Variants in CLMN observed in about 807,000 individuals in gnomAD.
The protein encoded by CLMN is calmin, also known as calmin (calponin-like, transmembrane).
CLMN carries 57 observed loss-of-function variants against 92.7 expected under a neutral mutation model. That is an observed-to-expected ratio of 0.61 (90% CI 0.50 to 0.77). The LOEUF is 0.77. Among genes scored for constraint, CLMN ranks in the 30% least tolerant of loss-of-function variants. The pLI is 0.00. For missense variants in CLMN, 1,158 were observed against 1,237.5 expected (o/e 0.94, Z 0.96); for synonymous variants, 466 against 470.6 (o/e 0.99, Z 0.13).
At chr14:95,262,620 T>C (rs980097138) in intron 1 of CLMN, among the ~76,000 whole-genome samples, 5 of 152,140 alleles carry the variant, frequency 3.3e-5, no homozygotes, top group South Asian at 4.1e-4. Context: ...GGCTGGAGTA[T>C]AGTGGTGTGA....
At chr14:95,277,293 C>T (rs753380994) in intron 1 of CLMN, among the ~76,000 whole-genome samples, 2 of 152,220 alleles carry the variant, frequency 1.3e-5, no homozygotes, top group African/African-American at 2.4e-5. Context: ...CCCTGTAAGT[C>T]TGCTATTTGA....
At chr14:95,261,161 G>A (rs1280923870) in intron 1 of CLMN, among the ~76,000 whole-genome samples, 3 of 148,264 alleles carry the variant, frequency 2.0e-5, no homozygotes, top group Non-Finnish European at 3.0e-5. Flanking sequence ...TGTTTTAAAC[G>A]GCAAGATCAC....
intron 9 of CLMN, 133 bp from the exon 10 acceptor site, chr14:95,196,827 T>C: frequency 1.3e-6 from 1 of 778,904 alleles, no homozygotes; most frequent in Non-Finnish European, 2.0e-6. Context: ...CTGATCCTCT[T>C]CATGAATCCC....
At chr14:95,205,913 G>A (rs1897033955) in intron 8 of CLMN, among the ~76,000 whole-genome samples, 1 of 152,236 alleles carries the variant, frequency 6.6e-6, no homozygotes, top group South Asian at 2.1e-4. Context: ...ATGGAGCATA[G>A]AACATATCAG....
chr14:95,234,101 G>C (rs781104919), intron 1 of CLMN, among the ~76,000 whole-genome samples: 9 of 152,196 alleles, frequency 5.9e-5, no homozygotes, highest in Non-Finnish European at 1.3e-4. Flanking sequence ...ACGCACCACT[G>C]GCTGGGCGAC....
chr14:95,191,898 G>C lies in CLMN; in HGVS notation c.2841-166C>G. The C allele has an allele frequency of 1.7e-6, 1 of 581,158 alleles. No homozygotes were observed. The highest frequency in any genetic ancestry group is 2.9e-6 in the Non-Finnish European group (1 of 343,048). 36.0% of individuals were successfully genotyped at this position (581,158 alleles called of 1,614,324 possible). On this transcript the variant is annotated intron_variant, in intron 12 of 12. Coordinates refer to ENST00000298912, the MANE Select transcript of CLMN (RefSeq NM_024734.4). This position sits in a 1 kb window ranked among gnomAD's most constrained non-coding sequence, Gnocchi z 5.3. ...CCCCACACTGTGTGTACTGGCCCAA[G>C]GCAGTGCGTCGGGCCATCCAGGCAG...
intron 1 of CLMN, among the ~76,000 whole-genome samples, chr14:95,303,177 T>C (rs1249984791): frequency 6.6e-6 from 1 of 152,202 alleles, no homozygotes; most frequent in Non-Finnish European, 1.5e-5. Context: ...AGTTCTCCCC[T>C]CAGGGAGCCT....
intron 1 of CLMN, among the ~76,000 whole-genome samples, chr14:95,301,980 T>C (rs1166814950): frequency 6.6e-6 from 1 of 152,194 alleles, no homozygotes; most frequent in Non-Finnish European, 1.5e-5. Context: ...CCTCATTCAG[T>C]TGGGCCACCA....
In CLMN at chr14:95,185,318, C is replaced by T. The variant is rs943931671; in HGVS notation, c.*6246G>A. ...GGAGCTCAAGGGGATGCTTGTGTCT[C>T]ATGTTTGGTTCTCCCACGCTGGCTG... On this transcript the variant is annotated 3_prime_UTR_variant, in exon 13 of 13. Transcript: ENST00000298912. 5 of 152,232 alleles carry T rather than the reference C, an allele frequency of 3.3e-5. No homozygotes were observed. The highest frequency in any genetic ancestry group is 1.2e-4 in the African/African-American group (5 of 41,432). 9.4% of individuals were successfully genotyped at this position (152,232 alleles called of 1,614,324 possible). A position where few individuals can be genotyped will look rare whatever the true frequency, so the allele number is the denominator to read the frequency against.
chr14:95,226,584 CTTTTT>C (rs988443361), intron 2 of CLMN, among the ~76,000 whole-genome samples: 14 of 148,944 alleles, frequency 9.4e-5, no homozygotes, highest in African/African-American at 2.9e-4. Context: ...TCTTCTTCTT[CTTTTT>C]TTTTTGAGAT....
intron 1 of CLMN, among the ~76,000 whole-genome samples, chr14:95,297,811 G>GCACACACACACACA (rs3219870): frequency 2.0e-4 from 29 of 145,122 alleles, no homozygotes; most frequent in African/African-American, 3.9e-4. Flanking sequence ...AATATGGCAG[G>GCACACACACACACA]CACACACACA....
At chr14:95,307,056 A>C (rs1302116821) in intron 1 of CLMN, among the ~76,000 whole-genome samples, 1 of 152,200 alleles carries the variant, frequency 6.6e-6, no homozygotes, top group African/African-American at 2.4e-5. Flanking sequence ...CTTAAAGAAA[A>C]GGCAAGGGAA....
At chr14:95,242,255 T>A (rs927497983) in intron 1 of CLMN, among the ~76,000 whole-genome samples, 1 of 129,618 alleles carries the variant, frequency 7.7e-6, no homozygotes, top group African/African-American at 3.0e-5. Flanking sequence ...TTTTTCTTTT[T>A]TTTTTTTTTT....
chr14:95,300,212 C>G (rs1225327431), intron 1 of CLMN, among the ~76,000 whole-genome samples: 1 of 152,180 alleles, frequency 6.6e-6, no homozygotes, highest in African/African-American at 2.4e-5. Context: ...CATCCTGCCC[C>G]CAAAGGGCTC....
Position 95,259,436 on chromosome 14 carries a change from C to A in CLMN, c.83-29303G>T, listed in dbSNP as rs1051180229. Reference sequence around the variant, plus strand: ...CAAACCTCCGGGTTACCAGAATGTGCACTTTATGAGGACACGGAGGAAACC... The same window carrying A: ...CAAACCTCCGGGTTACCAGAATGTGAACTTTATGAGGACACGGAGGAAACC... On this transcript the variant is annotated intron_variant, in intron 1 of 12. Coordinates refer to ENST00000298912, the MANE Select transcript of CLMN (RefSeq NM_024734.4). This position sits in a 1 kb window ranked among gnomAD's most constrained non-coding sequence, Gnocchi z 4.3. Among the ~76,000 whole-genome samples, 1 of 152,126 alleles carries A rather than the reference C, an allele frequency of 6.6e-6. No individual in the cohort carries two copies. The highest frequency in any genetic ancestry group is 2.4e-5 in the African/African-American group (1 of 41,398).
chr14:95,211,546 A>G (rs924167166), intron 6 of CLMN, among the ~76,000 whole-genome samples: 6 of 152,190 alleles, frequency 3.9e-5, no homozygotes, highest in African/African-American at 9.7e-5. Flanking sequence ...TTTAAAAGTA[A>G]AAGTGAAGGA....
At chr14:95,286,803 C>T (rs79967777) in intron 1 of CLMN, among the ~76,000 whole-genome samples, 2,766 of 152,230 alleles carry the variant, frequency 0.018, 38 homozygotes, top group East Asian at 0.057. Flanking sequence ...AGAGAGAGCA[C>T]GTGTCTCACG....
Position 95,191,680 on chromosome 14 carries a change from T to C in CLMN, c.2893A>G (p.Ser965Gly), listed in dbSNP as rs368635810. Residue 965 changes from serine (S) to glycine (G), a missense_variant, in exon 13 of 13, where the codon AGT becomes GGT. Physicochemically the swap from Ser to Gly is moderately conservative, Grantham distance 56 (BLOSUM62 0). Transcript: ENST00000298912. This position sits in a 1 kb window ranked among gnomAD's most constrained non-coding sequence, Gnocchi z 5.3. ...AMSLGSHSPQ[S>G]DSLTQLVQQP... ...TGGACAAGCTGTGTCAGGGAGTCACTCTGCGGGCTGTGGCTCCCCAGTGAC... is the reference window on the plus strand; with the variant it reads ...TGGACAAGCTGTGTCAGGGAGTCACCCTGCGGGCTGTGGCTCCCCAGTGAC... 43 of 1,613,236 alleles carry C rather than the reference T, an allele frequency of 2.7e-5. No homozygotes were observed. The African/African-American group carries it at 4.0e-4, about 15-fold the overall frequency.
chr14:95,266,715 A>G (rs566696357), intron 1 of CLMN, among the ~76,000 whole-genome samples: 26 of 152,342 alleles, frequency 1.7e-4, no homozygotes, highest in Non-Finnish European at 3.1e-4. Context: ...AAAATTCACA[A>G]AAGACCCTGA....
Sources: allele counts gnomAD v4.1 joint callset (sites outside exome capture counted in the v4.1 genomes callset), GRCh38; gene constraint gnomAD v4.1.1; non-coding constraint Gnocchi (gnomAD v3.1); transcripts MANE v1.5; gene names NCBI Gene and HGNC (gene_info 2026-07-23, HGNC 2026-07-21).